The following ZFAND3 variants were observed in gnomAD, a reference collection of about 807,000 sequenced individuals.
The protein encoded by ZFAND3 is AN1-type zinc finger protein 3.
A neutral mutation model predicts 29.6 loss-of-function variants in ZFAND3; 10 were observed. That is an observed-to-expected ratio of 0.34 (90% CI 0.21 to 0.57). ZFAND3 has a LOEUF of 0.57. Ranked by LOEUF, ZFAND3 falls within the 20% of genes least tolerant of loss-of-function variation. ZFAND3 has a pLI of 0.86. For missense variants in ZFAND3, 230 were observed against 304.5 expected (o/e 0.76, Z 1.82); for synonymous variants, 128 against 112.6 (o/e 1.14, Z -0.87).
At chr6:37,893,060 T>G (rs1454107187) in intron 1 of ZFAND3, among the ~76,000 whole-genome samples, 2 of 151,978 alleles carry the variant, frequency 1.3e-5, no homozygotes, top group African/African-American at 4.8e-5. Flanking sequence ...CACACACGCA[T>G]GCACACACAC....
intron 4 of ZFAND3, among the ~76,000 whole-genome samples, chr6:38,090,807 C>T (rs1764852229): frequency 6.6e-6 from 1 of 151,986 alleles, no homozygotes; most frequent in Non-Finnish European, 1.5e-5. Flanking sequence ...ATTTGATACT[C>T]AATATGTAAA....
chr6:38,101,797 A>G, intron 4 of ZFAND3, among the ~76,000 whole-genome samples: 1 of 148,582 alleles, frequency 6.7e-6, no homozygotes, highest in Admixed American at 6.7e-5. Context: ...AAAAAAAAAA[A>G]AGACTAAATT....
At chr6:38,080,194 A>G (rs1326682183) in intron 3 of ZFAND3, among the ~76,000 whole-genome samples, 1 of 152,022 alleles carries the variant, frequency 6.6e-6, no homozygotes, top group Non-Finnish European at 1.5e-5. Context: ...ATTAGGAGAA[A>G]TACCTAATGT....
intron 2 of ZFAND3, among the ~76,000 whole-genome samples, chr6:37,969,502 C>G (rs935997485): frequency 6.6e-6 from 1 of 152,106 alleles, no homozygotes; most frequent in Admixed American, 6.5e-5. Flanking sequence ...TAATAATGTG[C>G]TGAATATCTC....
chr6:37,842,635 C>T (rs969684492), intron 1 of ZFAND3, among the ~76,000 whole-genome samples: 4 of 152,104 alleles, frequency 2.6e-5, no homozygotes, highest in East Asian at 1.9e-4. Context: ...TCAGCAAACA[C>T]CCTTACTTGA....
At chr6:38,027,538 A>T (rs1348059052) in intron 2 of ZFAND3, among the ~76,000 whole-genome samples, 1 of 152,206 alleles carries the variant, frequency 6.6e-6, no homozygotes. Flanking sequence ...TAAGTCTATA[A>T]AATATCAATG....
chr6:38,053,050 AAAAAG>A (rs1351465747), intron 2 of ZFAND3, among the ~76,000 whole-genome samples: 3 of 148,880 alleles, frequency 2.0e-5, no homozygotes, highest in East Asian at 2.2e-4. Flanking sequence ...AAAAAAAAAG[AAAAAG>A]AAAAAAAAAA....
intron 1 of ZFAND3, among the ~76,000 whole-genome samples, chr6:37,918,569 C>T (rs1206730773): frequency 2.0e-5 from 3 of 152,248 alleles, no homozygotes; most frequent in Non-Finnish European, 4.4e-5. Context: ...TACTTTTCAT[C>T]TTTCATTAAA....
intron 4 of ZFAND3, among the ~76,000 whole-genome samples, chr6:38,086,949 A>C (rs368818533): frequency 6.6e-6 from 1 of 152,204 alleles, no homozygotes; most frequent in Non-Finnish European, 1.5e-5. Flanking sequence ...TATACTACAG[A>C]GCTATACTAA....
intron 1 of ZFAND3, among the ~76,000 whole-genome samples, chr6:37,900,471 AAAT>A (rs1213620394): frequency 4.6e-5 from 7 of 152,330 alleles, no homozygotes; most frequent in Admixed American, 3.3e-4. Flanking sequence ...TTTTAATATC[AAAT>A]AATGGGCAAT....
intron 5 of ZFAND3, among the ~76,000 whole-genome samples, chr6:38,149,410 CAAAAAA>C (rs35426126): frequency 1.1e-5 from 1 of 88,338 alleles, no homozygotes; most frequent in African/African-American, 4.1e-5. Flanking sequence ...GACCCTGTCT[CAAAAAA>C]AAAAAAAAAA....
At chr6:38,116,842 C>A in intron 5 of ZFAND3, 103 bp downstream of exon 5, 2 of 1,447,376 alleles carry the variant, frequency 1.4e-6, no homozygotes, top group Non-Finnish European at 1.9e-6. Context: ...CTTCTGAGTA[C>A]TGTAAGTTTG....
intron 2 of ZFAND3, among the ~76,000 whole-genome samples, chr6:37,949,582 G>A (rs1022090854): frequency 2.6e-5 from 4 of 152,122 alleles, no homozygotes; most frequent in Admixed American, 6.5e-5. Context: ...CCAGGTTTCC[G>A]GAACTTCTGA....
chr6:38,086,284 A>C (rs746187348), intron 4 of ZFAND3, among the ~76,000 whole-genome samples: 4 of 152,158 alleles, frequency 2.6e-5, no homozygotes, highest in Non-Finnish European at 4.4e-5. Context: ...AAGCAACACG[A>C]TGATCATTTT....
Position 37,854,966 on chromosome 6 carries a change from T to G in ZFAND3, c.71+34950T>G, listed in dbSNP as rs201064531. On this transcript the variant is annotated intron_variant, in intron 1 of 5. Transcript: ENST00000287218. ...GTTACAGGAGAAAAATAATAGGTGT[T>G]TTTTTTTTTTTTTTTTTTTTGGTGA... Among the ~76,000 whole-genome samples, 32 of 125,126 alleles carry G rather than the reference T, an allele frequency of 2.6e-4. No individual in the cohort carries two copies. In the East Asian group the frequency reaches 5.5e-3, roughly 21 times the overall value. 82.1% of individuals were successfully genotyped at this position (125,126 alleles called of 152,430 possible).
At chr6:38,073,074 T>G (rs1423492034) in intron 3 of ZFAND3, among the ~76,000 whole-genome samples, 1 of 152,198 alleles carries the variant, frequency 6.6e-6, no homozygotes, top group Non-Finnish European at 1.5e-5. Context: ...ACTCATCATA[T>G]TCCAGCTGTG....
rs144991734 is a variant in ZFAND3, at chr6:37,963,121, C to T, written c.112+33122C>T. The stretch of plus-strand genomic sequence containing the variant: ...TCTTTATGAACTGTAACACTCGCTG[C>T]GAGGGTCCGCAGCTTCATTCTTTAA... On this transcript the variant is annotated intron_variant, in intron 2 of 5. Coordinates refer to ENST00000287218, the MANE Select transcript of ZFAND3 (RefSeq NM_021943.3). Among the ~76,000 whole-genome samples the T allele has an allele frequency of 6.6e-4, 100 of 152,090 alleles. 1 individual carries two copies. Among genetic ancestry groups the T allele is most frequent in the Middle Eastern group, 6.8e-3 (2 of 294 alleles).
intron 2 of ZFAND3, among the ~76,000 whole-genome samples, chr6:37,985,515 A>G (rs1014297493): frequency 6.7e-6 from 1 of 149,098 alleles, no homozygotes; most frequent in African/African-American, 2.5e-5. Context: ...ACACACACAC[A>G]CACACACACA....
chr6:37,947,884 T>C (rs1359840085), intron 2 of ZFAND3, among the ~76,000 whole-genome samples: 1 of 152,230 alleles, frequency 6.6e-6, no homozygotes, highest in African/African-American at 2.4e-5. Context: ...TTGGAGCATT[T>C]AGCTTAGTAT....
Sources: allele counts gnomAD v4.1 joint callset (sites outside exome capture counted in the v4.1 genomes callset), GRCh38; gene constraint gnomAD v4.1.1; transcripts MANE v1.5; gene names NCBI Gene and HGNC (gene_info 2026-07-23, HGNC 2026-07-21).